The following PLAAT1 variants were observed in gnomAD, a reference collection of about 807,000 sequenced individuals.
PLAAT1 encodes H-REV107 protein-related protein.
In PLAAT1, 13 loss-of-function variants were observed where a neutral mutation model predicts 16.4. The ratio of observed to expected loss-of-function variants is 0.79; its 90% CI spans 0.52 to 1.26. PLAAT1 has a LOEUF of 1.26. Ranked by LOEUF, PLAAT1 falls within the 50% of genes most tolerant of loss-of-function variation. The pLI is 0.00. For synonymous variants in PLAAT1, 73 were observed against 78.4 expected, an observed-to-expected ratio of 0.93 and a Z score of 0.36; for missense variants, 218 against 207.8, an observed-to-expected ratio of 1.05 and a Z score of -0.30.
chr3:193,267,999 T>C (rs899893496), intron 3 of PLAAT1, among the ~76,000 whole-genome samples: 3 of 152,246 alleles, frequency 2.0e-5, no homozygotes, highest in African/African-American at 7.2e-5. Context: ...ATGATGTATC[T>C]CTTGATGACC....
intron 1 of PLAAT1, among the ~76,000 whole-genome samples, chr3:193,252,440 T>C (rs1161011277): frequency 6.6e-6 from 1 of 152,220 alleles, no homozygotes; most frequent in South Asian, 2.1e-4. Flanking sequence ...GAGTCCTTTA[T>C]ATGTTCTAGA....
At chr3:193,278,950 G>A (rs528990601), downstream of PLAAT1, among the ~76,000 whole-genome samples, 1 of 152,206 alleles carries the variant, frequency 6.6e-6, no homozygotes, top group South Asian at 2.1e-4. Flanking sequence ...AAAACTTCAT[G>A]TAGTCAATAT....
chr3:193,276,645 G>T (rs1717216370), intron 2 of PLAAT1: 1 of 762,404 alleles, frequency 1.3e-6, no homozygotes, highest in Non-Finnish European at 2.2e-6. Context: ...CTTAATAACT[G>T]TCATTTTGGG....
Position 193,257,298 on chromosome 3 carries a change from T to C in PLAAT1, c.139+1509T>C, listed in dbSNP as rs548264488. On this transcript the variant is annotated intron_variant, in intron 2 of 3. Coordinates refer to ENST00000264735, the MANE Select transcript of PLAAT1 (RefSeq NM_020386.5). The stretch of plus-strand genomic sequence containing the variant: ...AATACTGTGATTGGCTCAGACACAA[T>C]TGTTTCCAGGAATAAATAGGCAATG... 3.9e-5 allele frequency among the ~76,000 whole-genome samples: 6 copies of C among 152,282 alleles called. No individual in the cohort carries two copies. In the East Asian group the frequency reaches 9.7e-4, roughly 25 times the overall value.
rs139002456 is a variant in PLAAT1 at position 193,266,242 on chromosome 3, A to G, written c.405+3007A>G. 4.0e-4 allele frequency among the ~76,000 whole-genome samples: 61 copies of G among 152,226 alleles called. 1 individual carries two copies. Among genetic ancestry groups the G allele is most frequent in the Non-Finnish European group, 5.9e-4 (40 of 68,008 alleles). On this transcript the variant is annotated intron_variant, in intron 3 of 3. Transcript: ENST00000264735. Reference sequence around the variant, plus strand: ...TAAGTTTATGGCATTGATTGTAATGATGGTTTCATGGGGGTATGCTTATCT... The same window carrying G: ...TAAGTTTATGGCATTGATTGTAATGGTGGTTTCATGGGGGTATGCTTATCT...
chr3:193,272,480 T>G (rs1275748334), downstream of PLAAT1, among the ~76,000 whole-genome samples: 1 of 151,982 alleles, frequency 6.6e-6, no homozygotes, highest in Non-Finnish European at 1.5e-5. Context: ...AAACCCAGTT[T>G]TCTAGTATTG....
chr3:193,258,073 T>A (rs960259847), intron 2 of PLAAT1, among the ~76,000 whole-genome samples: 1 of 152,310 alleles, frequency 6.6e-6, no homozygotes, highest in Non-Finnish European at 1.5e-5. Flanking sequence ...CTTCACCTTG[T>A]GATCGTGTGA....
At chr3:193,279,436 A>G (rs1190504216), downstream of PLAAT1, 3 of 1,613,508 alleles carry the variant, frequency 1.9e-6, no homozygotes, top group African/African-American at 2.7e-5. Context: ...GGCAGCTAGC[A>G]GCAGAAATGA....
Position 193,241,441 on chromosome 3 carries a change from G to A in PLAAT1, c.-93G>A. The A allele has an allele frequency of 8.1e-7, 1 of 1,231,842 alleles. No individual in the cohort carries two copies. The highest frequency in any genetic ancestry group is 1.0e-6 in the Non-Finnish European group (1 of 988,050). 76.3% of individuals were successfully genotyped at this position (1,231,842 alleles called of 1,614,324 possible). The stretch of plus-strand genomic sequence containing the variant: ...AGATGGAGTCGTCCCGCGGCCGCCG[G>A]CGGCAAGGTCGGCAGCTGCGAGGCC... On this transcript the variant is annotated 5_prime_UTR_variant, in exon 1 of 4. Coordinates refer to ENST00000264735, the MANE Select transcript of PLAAT1 (RefSeq NM_020386.5).
intron 1 of PLAAT1, among the ~76,000 whole-genome samples, chr3:193,246,541 T>C (rs941037136): frequency 2.0e-5 from 3 of 152,030 alleles, no homozygotes; most frequent in Non-Finnish European, 4.4e-5. Flanking sequence ...TTTGGTATTT[T>C]TGTAGAGATG....
At chr3:193,253,358 G>A (rs1577302751) in intron 1 of PLAAT1, among the ~76,000 whole-genome samples, 1 of 152,086 alleles carries the variant, frequency 6.6e-6, no homozygotes. Flanking sequence ...GAATTTTACA[G>A]TTGAATCATT....
intron 1 of PLAAT1, among the ~76,000 whole-genome samples, chr3:193,244,971 A>G (rs906202153): frequency 9.8e-5 from 15 of 152,316 alleles, no homozygotes; most frequent in African/African-American, 2.2e-4. Context: ...TTCAGTTTCA[A>G]CATGCATTTT....
chr3:193,240,860 G>C (rs543195984), upstream of PLAAT1, among the ~76,000 whole-genome samples: 1 of 152,252 alleles, frequency 6.6e-6, no homozygotes, highest in Admixed American at 6.5e-5. Flanking sequence ...ATTTTTGTTA[G>C]GCTAGAAGAG....
rs114365487 is a variant in PLAAT1 at position 193,269,732 on chromosome 3, G to A, written c.406-872G>A. ...AGTACTTGATAATTCTGAAGTGTCCGAATGTGACCTTTGGGTCATCAAATT... is the reference window on the plus strand; with the variant it reads ...AGTACTTGATAATTCTGAAGTGTCCAAATGTGACCTTTGGGTCATCAAATT... On this transcript the variant is annotated intron_variant, in intron 3 of 3. Transcript: ENST00000264735. Among the ~76,000 whole-genome samples, 389 of 152,282 alleles carry A rather than the reference G, an allele frequency of 2.6e-3. 3 individuals are homozygous for A. Among genetic ancestry groups the A allele is most frequent in the African/African-American group, 9.0e-3 (372 of 41,564 alleles).
intron 1 of PLAAT1, among the ~76,000 whole-genome samples, chr3:193,246,269 G>A (rs1715979828): frequency 6.6e-6 from 1 of 152,150 alleles, no homozygotes; most frequent in South Asian, 2.1e-4. Context: ...GTGAATGGGT[G>A]TTGGATTTTG....
chr3:193,262,973 G>A lies in PLAAT1; in HGVS notation c.143G>A (p.Gly48Asp). 1.2e-6 allele frequency: 2 copies of A among 1,614,072 alleles called. No homozygotes were observed. The highest frequency in any genetic ancestry group is 1.7e-6 in the Non-Finnish European group (2 of 1,179,966). The part of the protein sequence containing the change: ...GYVINIAPVD[G>D]IPASFTSAKS... Reference sequence around the variant, plus strand: ...TAACCAGAATTCTACTTTATAGATGGCATTCCTGCGTCCTTTACAAGCGCC... The same window carrying A: ...TAACCAGAATTCTACTTTATAGATGACATTCCTGCGTCCTTTACAAGCGCC... Residue 48 changes from glycine to aspartate, a missense_variant, in exon 3 of 4, where the codon GGC (glycine) becomes GAC (aspartate). Coordinates refer to ENST00000264735, the MANE Select transcript of PLAAT1 (RefSeq NM_020386.5).
At chr3:193,281,164 G>A, downstream of PLAAT1, 1 of 985,170 alleles carries the variant, frequency 1.0e-6, no homozygotes, top group Non-Finnish European at 1.2e-6. Context: ...TCAGGAAATA[G>A]CTGTGTGGAT....
chr3:193,266,196 T>C (rs1716771604), intron 3 of PLAAT1, among the ~76,000 whole-genome samples: 2 of 152,116 alleles, frequency 1.3e-5, no homozygotes, highest in Non-Finnish European at 2.9e-5. Context: ...GTGATGATGG[T>C]TTCATGGTGG....
chr3:193,273,706 C>G (rs886357406), downstream of PLAAT1, among the ~76,000 whole-genome samples: 2 of 152,056 alleles, frequency 1.3e-5, no homozygotes, highest in African/African-American at 4.8e-5. Flanking sequence ...TAAATTTTCT[C>G]TCAAGTTTAT....
Sources: allele counts gnomAD v4.1 joint callset (sites outside exome capture counted in the v4.1 genomes callset), GRCh38; gene constraint gnomAD v4.1.1; transcripts MANE v1.5; gene names NCBI Gene and HGNC (gene_info 2026-07-23, HGNC 2026-07-21).